NALCN: variants seen among roughly 807,000 people sequenced by gnomAD.
NALCN encodes sodium leak channel, non-selective, also known as sodium leak channel NALCN.
A neutral mutation model predicts 225.3 loss-of-function variants in NALCN; 111 were observed. The ratio of observed to expected loss-of-function variants is 0.49; its 90% CI spans 0.42 to 0.58. NALCN has a LOEUF of 0.58. Among genes scored for constraint, NALCN ranks in the 20% least tolerant of loss-of-function variants. The probability of loss-of-function intolerance (pLI) is 0.00; values close to 1 mark genes in which losing one functional copy is unlikely to be tolerated. For missense variants in NALCN, 1,378 were observed against 2,202.4 expected, an observed-to-expected ratio of 0.63 and a Z score of 7.49; for synonymous variants, 764 against 769.0, an observed-to-expected ratio of 0.99 and a Z score of 0.11.
Position 101,345,342 on chromosome 13 carries a change from A to T in NALCN, c.723T>A (p.Pro241=). ...CTTCAAGGTCCATGCATTTAAATCC[A>T]GGTGGGCACTGGTAGCCTTCTTCTA... is the stretch of plus-strand genomic sequence containing the variant. The part of the protein sequence containing the change: ...PELEEGYQCP[P]GFKCMDLEDL... The change falls in exon 7 of 44, where the codon CCT becomes CCA. Residue 241 remains proline, a synonymous_variant. Coordinates refer to ENST00000251127, the MANE Select transcript of NALCN (RefSeq NM_052867.4). 1.2e-6 allele frequency: 2 copies of T among 1,613,850 alleles called. No homozygotes were observed. Among genetic ancestry groups the T allele is most frequent in the East Asian group, 4.5e-5 (2 of 44,862 alleles).
At chr13:101,118,570 C>T (rs559285175) in intron 18 of NALCN, among the ~76,000 whole-genome samples, 83 of 152,262 alleles carry the variant, frequency 5.5e-4, no homozygotes, top group African/African-American at 1.9e-3. Context: ...CATCTATCTA[C>T]TTAGCTTATT....
At chr13:101,259,490 C>A (rs1490681318) in intron 10 of NALCN, among the ~76,000 whole-genome samples, 12 of 151,526 alleles carry the variant, frequency 7.9e-5, no homozygotes, top group Admixed American at 7.2e-4. Context: ...CCCGCCACCA[C>A]GTCTGGCTAA....
chr13:101,095,421 C>T (rs2034448889), intron 28 of NALCN, among the ~76,000 whole-genome samples, 153 bp downstream of exon 28: 1 of 152,126 alleles, frequency 6.6e-6, no homozygotes, highest in South Asian at 2.1e-4. Flanking sequence ...TTTCTATCTT[C>T]CAATATAATC....
At chr13:101,317,119 G>T (rs756659603) in intron 7 of NALCN, among the ~76,000 whole-genome samples, 16 of 151,958 alleles carry the variant, frequency 1.1e-4, no homozygotes, top group Admixed American at 6.6e-4. Flanking sequence ...GTTTTCGAGG[G>T]ATTAAATGGC....
intron 7 of NALCN, among the ~76,000 whole-genome samples, chr13:101,308,775 G>A (rs2044239932): frequency 1.3e-5 from 2 of 152,060 alleles, no homozygotes; most frequent in African/African-American, 4.8e-5. Context: ...GACGGTTCAG[G>A]GAAACAAAAC....
intron 6 of NALCN, among the ~76,000 whole-genome samples, chr13:101,372,725 T>A (rs1345949904): frequency 6.6e-6 from 1 of 152,110 alleles, no homozygotes; most frequent in Non-Finnish European, 1.5e-5. Flanking sequence ...AAAATTATAT[T>A]TTTAAATTAT....
At chr13:101,058,307 G>C (rs1382813061) in intron 42 of NALCN, 1 of 428,274 alleles carries the variant, frequency 2.3e-6, no homozygotes. Flanking sequence ...CCACTGCTTC[G>C]TTCCCCTCCA....
chr13:101,126,660 T>C (rs1028626200), intron 17 of NALCN, among the ~76,000 whole-genome samples: 6 of 151,904 alleles, frequency 3.9e-5, no homozygotes, highest in African/African-American at 1.5e-4. Flanking sequence ...GCCCGACTGA[T>C]TTTTGTATTT....
At chr13:101,071,760 A>G (rs1227393305) in intron 37 of NALCN, among the ~76,000 whole-genome samples, 1 of 152,172 alleles carries the variant, frequency 6.6e-6, no homozygotes, top group Non-Finnish European at 1.5e-5. Flanking sequence ...TGAATTTACA[A>G]CTTGAGTAAC....
intron 27 of NALCN, among the ~76,000 whole-genome samples, chr13:101,099,879 G>A (rs2034712345): frequency 6.6e-6 from 1 of 152,086 alleles, no homozygotes. Flanking sequence ...GTCCCTGAGT[G>A]GTCATTTGGA....
intron 6 of NALCN, among the ~76,000 whole-genome samples, chr13:101,373,660 G>A (rs966058474): frequency 1.3e-5 from 2 of 152,098 alleles, no homozygotes; most frequent in South Asian, 2.1e-4. Flanking sequence ...CCCACTTAAC[G>A]GAAATACTGA....
At chr13:101,177,348 G>C (rs1260869899) in intron 14 of NALCN, among the ~76,000 whole-genome samples, 1 of 149,704 alleles carries the variant, frequency 6.7e-6, no homozygotes, top group Non-Finnish European at 1.5e-5. Context: ...CACAGCAACA[G>C]ATACCTAATA....
chr13:101,060,928 G>A (rs1374396451), intron 41 of NALCN, among the ~76,000 whole-genome samples: 2 of 152,204 alleles, frequency 1.3e-5, no homozygotes, highest in East Asian at 3.9e-4. Flanking sequence ...GCTATAGGAG[G>A]TTGAGTTGTA....
intron 37 of NALCN, 147 bp downstream of exon 37, chr13:101,073,437 T>C: frequency 3.4e-6 from 2 of 593,052 alleles, no homozygotes; most frequent in East Asian, 3.0e-5. Flanking sequence ...GAATGTATAA[T>C]AATGCAATTT....
chr13:101,069,441 A>C (rs2032682857), intron 37 of NALCN, among the ~76,000 whole-genome samples: 1 of 152,218 alleles, frequency 6.6e-6, no homozygotes, highest in African/African-American at 2.4e-5. Context: ...AAAGCTAACA[A>C]TCATGTGAGC....
chr13:101,155,729 T>A (rs908111731), intron 15 of NALCN, among the ~76,000 whole-genome samples: 3 of 152,072 alleles, frequency 2.0e-5, no homozygotes, highest in African/African-American at 7.2e-5. Flanking sequence ...GAAGGAGGAG[T>A]ATCAAAGAAT....
chr13:101,149,116 A>AC (rs2037504749), intron 15 of NALCN, among the ~76,000 whole-genome samples: 1 of 152,058 alleles, frequency 6.6e-6, no homozygotes, highest in South Asian at 2.1e-4. Flanking sequence ...ACACGGTGAA[A>AC]CCCCGTCTCT....
intron 10 of NALCN, among the ~76,000 whole-genome samples, chr13:101,279,836 A>T (rs9554767): frequency 0.15 from 20,317 of 133,382 alleles, 1,735 homozygotes; most frequent in Middle Eastern, 0.21. Context: ...ATAAATAAAT[A>T]AAATAAATAA....
intron 3 of NALCN, among the ~76,000 whole-genome samples, chr13:101,385,812 TA>T (rs1383984241): frequency 6.6e-6 from 1 of 152,182 alleles, no homozygotes; most frequent in Non-Finnish European, 1.5e-5. Flanking sequence ...TCACCAATTC[TA>T]AAACACACCC....
Sources: allele counts gnomAD v4.1 joint callset (sites outside exome capture counted in the v4.1 genomes callset), GRCh38; gene constraint gnomAD v4.1.1; transcripts MANE v1.5; gene names NCBI Gene and HGNC (gene_info 2026-07-23, HGNC 2026-07-21).